Variants in SERPINI2 observed in about 807,000 individuals in gnomAD.
SERPINI2 encodes the protein serpin I2.
Under a neutral mutation model 47.3 loss-of-function variants are expected in SERPINI2, and 48 were observed. The observed-to-expected ratio is 1.02, with a 90% CI of 0.81 to 1.29. The LOEUF is 1.29. SERPINI2 is among the 50% of genes most tolerant of loss of function. The pLI, the probability that SERPINI2 is intolerant of heterozygous loss-of-function variation, is 0.00. For synonymous variants in SERPINI2, 135 were observed against 149.3 expected (o/e 0.90, Z 0.70); for missense variants, 448 against 456.9 (o/e 0.98, Z 0.18).
At chr3:167,453,888 G>C (rs140419353) in intron 5 of SERPINI2, among the ~76,000 whole-genome samples, 4 of 151,236 alleles carry the variant, frequency 2.6e-5, no homozygotes, top group African/African-American at 7.3e-5. Context: ...TGGGGGTGGG[G>C]GGAAGCTAGT....
chr3:167,474,551 A>G (rs1750437132), upstream of SERPINI2, among the ~76,000 whole-genome samples: 1 of 151,750 alleles, frequency 6.6e-6, no homozygotes. Flanking sequence ...TATAAGGTCC[A>G]TTTGAATCCT....
chr3:167,461,828 C>T (rs1749992462), intron 5 of SERPINI2, among the ~76,000 whole-genome samples: 1 of 151,874 alleles, frequency 6.6e-6, no homozygotes. Flanking sequence ...CTTTGTTGCT[C>T]CTGCTGGTCT....
At chr3:167,448,432 C>T (rs1258441076) in intron 7 of SERPINI2, among the ~76,000 whole-genome samples, 2 of 152,184 alleles carry the variant, frequency 1.3e-5, no homozygotes, top group African/African-American at 4.8e-5. Context: ...CTTAGGAAAA[C>T]CTATGAAAAT....
chr3:167,464,577 A>G (rs1352543635), intron 5 of SERPINI2, among the ~76,000 whole-genome samples: 1 of 150,494 alleles, frequency 6.6e-6, no homozygotes, highest in African/African-American at 2.4e-5. Context: ...AATCTATTAC[A>G]CATAAATCTC....
At chr3:167,471,940 T>A in intron 1 of SERPINI2, 96 bp from the exon 2 acceptor site, 1 of 834,624 alleles carries the variant, frequency 1.2e-6, no homozygotes, top group Admixed American at 2.4e-5. Context: ...CTTTCTATCT[T>A]AATAGAACTT....
Position 167,454,257 on chromosome 3 carries a change from C to A in SERPINI2, c.867-1224G>T, listed in dbSNP as rs183970003. 9.2e-5 allele frequency among the ~76,000 whole-genome samples: 14 copies of A among 152,338 alleles called. No individual in the cohort carries two copies. In the East Asian group the frequency reaches 2.7e-3, roughly 29 times the overall value. On this transcript the variant is annotated intron_variant, in intron 5 of 8. Coordinates refer to ENST00000264677, the Ensembl canonical transcript of SERPINI2. ...AATTATAATTCTCCAAAGCAATGAACATGCTGTGGCAGAACTCTACTGGGA... is the reference window on the plus strand; with the variant it reads ...AATTATAATTCTCCAAAGCAATGAAAATGCTGTGGCAGAACTCTACTGGGA...
At chr3:167,451,415 T>G (rs932216470) in intron 6 of SERPINI2, among the ~76,000 whole-genome samples, 8 of 152,240 alleles carry the variant, frequency 5.3e-5, no homozygotes, top group Non-Finnish European at 8.8e-5. Context: ...TGCTTCATAG[T>G]AGCCTTTAGT....
At chr3:167,450,260 C>T (rs1237959460) in intron 6 of SERPINI2, among the ~76,000 whole-genome samples, 1 of 152,192 alleles carries the variant, frequency 6.6e-6, no homozygotes, top group Non-Finnish European at 1.5e-5. Flanking sequence ...AAATTTTCAG[C>T]ATAAGATCGT....
intron 5 of SERPINI2, among the ~76,000 whole-genome samples, chr3:167,455,131 T>C (rs146435456): frequency 2.6e-5 from 4 of 152,348 alleles, no homozygotes; most frequent in African/African-American, 9.6e-5. Context: ...TGGTTCATTT[T>C]CCCTTTTCCT....
intron 5 of SERPINI2, among the ~76,000 whole-genome samples, chr3:167,462,111 AAGG>A (rs1292667474): frequency 6.6e-6 from 1 of 152,220 alleles, no homozygotes; most frequent in Non-Finnish European, 1.5e-5. Flanking sequence ...CAACGGACAG[AAGG>A]AGACTATTTG....
rs1462710169 is a variant in SERPINI2 at position 167,449,233 on chromosome 3, C to T, written c.1051+83G>A. ...ACAGCAGAAGAGAAAAAGAAGAGTA[C>T]AATACTTCAAAAGGGTCAGCACCAT... is the stretch of plus-strand genomic sequence containing the variant. On this transcript the variant is annotated intron_variant, in intron 7 of 8. Coordinates refer to ENST00000264677, the Ensembl canonical transcript of SERPINI2. 5 of 935,796 alleles carry T rather than the reference C, an allele frequency of 5.3e-6. No homozygotes were observed. In the Admixed American group the frequency reaches 7.3e-5, roughly 14 times the overall value. 58.0% of individuals were successfully genotyped at this position (935,796 alleles called of 1,614,324 possible). A position where few individuals can be genotyped will look rare whatever the true frequency, so the allele number is the denominator to read the frequency against.
rs75646822 is a variant in SERPINI2, at chr3:167,453,825, C to T, written c.867-792G>A. On this transcript the variant is annotated intron_variant, in intron 5 of 8. Coordinates refer to ENST00000264677, the Ensembl canonical transcript of SERPINI2. The stretch of plus-strand genomic sequence containing the variant: ...GATTTTCTCAGCCACTGATCTTCCA[C>T]GATTCCAAGTCAAAAGCAATCACTG... Among the ~76,000 whole-genome samples the T allele has an allele frequency of 9.5e-3, 1,439 of 151,576 alleles. 19 individuals carry two copies. The highest frequency in any genetic ancestry group is 0.032 in the African/African-American group (1,311 of 41,268).
Position 167,446,863 on chromosome 3 carries a change from A to G in SERPINI2, c.1052-382T>C, listed in dbSNP as rs144688292. The G allele has an allele frequency of 6.3e-3, 978 of 154,276 alleles. 5 individuals carry two copies. Among genetic ancestry groups the G allele is most frequent in the Non-Finnish European group, 0.01 (706 of 69,376 alleles). The allele number at this position is 154,276 out of a possible 1,614,324, so 9.6% of individuals were successfully genotyped here. A position where few individuals can be genotyped will look rare whatever the true frequency, so the allele number is the denominator to read the frequency against. ...TAATTCCTAATTCCTATTTAGGTAT[A>G]TTTGCACTTCGGGTTTGTGGTAATC... On this transcript the variant is annotated intron_variant, in intron 7 of 8. Coordinates refer to ENST00000264677, the Ensembl canonical transcript of SERPINI2.
exon 5 of SERPINI2, chr3:167,465,227 T>C (rs369090478): frequency 6.2e-7 from 1 of 1,610,350 alleles, no homozygotes; most frequent in Non-Finnish European, 8.5e-7. Flanking sequence ...TATTTCTACT[T>C]CCTCTTCTTG....
At chr3:167,467,277 A>T in exon 3 of SERPINI2, 1 of 1,606,324 alleles carries the variant, frequency 6.2e-7, no homozygotes, top group Non-Finnish European at 8.5e-7. Flanking sequence ...AGTACAAAAA[A>T]TTCTTCCCCT....
In SERPINI2 at chr3:167,447,452, A is replaced by T. The variant is rs567940698; in HGVS notation, c.1052-971T>A. Among the ~76,000 whole-genome samples, 3 of 152,328 alleles carry T rather than the reference A, an allele frequency of 2.0e-5. No homozygotes were observed. The South Asian group carries it at 6.2e-4, about 32-fold the overall frequency. The stretch of plus-strand genomic sequence containing the variant: ...AGCAGTCCGTGAGTGGATTTCTGAA[A>T]GTCAAAATACCCAGACTGACTATTC... On this transcript the variant is annotated intron_variant, in intron 7 of 8. Coordinates refer to ENST00000264677, the Ensembl canonical transcript of SERPINI2.
chr3:167,444,302 G>A (rs1040378674), intron 8 of SERPINI2, among the ~76,000 whole-genome samples: 2 of 152,072 alleles, frequency 1.3e-5, no homozygotes, highest in Non-Finnish European at 2.9e-5. Flanking sequence ...AGCTTAGTAA[G>A]GGCTTTAGAG....
At chr3:167,446,464 T>G in exon 8 of SERPINI2, 5 of 1,605,396 alleles carry the variant, frequency 3.1e-6, no homozygotes, top group Non-Finnish European at 4.3e-6. Context: ...AGACTCATGA[T>G]CACAGGGATG....
chr3:167,459,262 G>A lies in SERPINI2; in HGVS notation c.866+5944C>T, dbSNP rs1172710847. On this transcript the variant is annotated intron_variant, in intron 5 of 8. Transcript: ENST00000264677. ...GCTAATTTTTTGTATTTTTAGTAGA[G>A]ACGGGGTTTCACCGTTTTAGCCGGG... Among the ~76,000 whole-genome samples the A allele has an allele frequency of 3.9e-5, 6 of 152,004 alleles. No individual in the cohort carries two copies. The East Asian group carries it at 1.2e-3, about 30-fold the overall frequency.
Sources: allele counts gnomAD v4.1 joint callset (sites outside exome capture counted in the v4.1 genomes callset), GRCh38; gene constraint gnomAD v4.1.1; transcripts MANE v1.5; gene names NCBI Gene and HGNC (gene_info 2026-07-23, HGNC 2026-07-21).